LDB2: variants seen among roughly 807,000 people sequenced by gnomAD.
LDB2 encodes LIM domain binding 2.
LDB2 carries 12 observed loss-of-function variants against 44.3 expected under a neutral mutation model. The ratio of observed to expected loss-of-function variants is 0.27; its 90% CI spans 0.17 to 0.44. The LOEUF (loss-of-function observed/expected upper bound fraction) is 0.44. LDB2 is among the 20% of genes least tolerant of loss of function. LDB2 has a pLI of 1.00. For synonymous variants in LDB2, 164 were observed against 174.8 expected (o/e 0.94, Z 0.49); for missense variants, 344 against 473.5 (o/e 0.73, Z 2.54).
At chr4:16,857,868 A>C (rs1789669782) in intron 1 of LDB2, among the ~76,000 whole-genome samples, 1 of 151,994 alleles carries the variant, frequency 6.6e-6, no homozygotes, top group Non-Finnish European at 1.5e-5. Context: ...CACATACCAG[A>C]ACGCAGTACA....
At chr4:16,535,992 G>GTGTT (rs1416892741) in intron 5 of LDB2, among the ~76,000 whole-genome samples, 4 of 152,138 alleles carry the variant, frequency 2.6e-5, no homozygotes, top group African/African-American at 9.7e-5. Flanking sequence ...AAGCCTCAAG[G>GTGTT]TGTTATTTGC....
At chr4:16,564,788 G>A (rs1743893786) in intron 5 of LDB2, among the ~76,000 whole-genome samples, 1 of 152,094 alleles carries the variant, frequency 6.6e-6, no homozygotes, top group African/African-American at 2.4e-5. Flanking sequence ...GGGGAATTAG[G>A]GCCATGTAAG....
chr4:16,728,327 G>GCC (rs2152692958), intron 2 of LDB2, among the ~76,000 whole-genome samples: 1 of 152,202 alleles, frequency 6.6e-6, no homozygotes, highest in South Asian at 2.1e-4. Context: ...ATGTCAGCTT[G>GCC]CCCAGAAACT....
At chr4:16,645,356 G>A (rs374714963) in intron 2 of LDB2, among the ~76,000 whole-genome samples, 3 of 151,450 alleles carry the variant, frequency 2.0e-5, no homozygotes, top group South Asian at 4.2e-4. Context: ...CTAACAAGGT[G>A]AAACCCCGTC....
At chr4:16,694,771 G>A (rs917569816) in intron 2 of LDB2, among the ~76,000 whole-genome samples, 2 of 152,220 alleles carry the variant, frequency 1.3e-5, no homozygotes, top group African/African-American at 4.8e-5. Flanking sequence ...TCGGCTACAT[G>A]TGTAGCAAGC....
chr4:16,843,233 A>C (rs940830978), intron 1 of LDB2, among the ~76,000 whole-genome samples: 8 of 152,328 alleles, frequency 5.3e-5, no homozygotes, highest in Middle Eastern at 3.4e-3. Flanking sequence ...GATTATTTTC[A>C]ATTTTAGTGT....
chr4:16,508,666 T>G lies in LDB2; in HGVS notation c.760A>C (p.Thr254Pro), dbSNP rs1315964802. Residue 254 changes from threonine to proline, a missense_variant, in exon 7 of 8, where the codon ACA (threonine) becomes CCA (proline). Around this residue, in one of 3 missense-constraint regions of LDB2, gnomAD observed 86 missense variants for 171.2 expected, o/e 0.50. Transcript: ENST00000304523. ...TTTTTCCTTTTTCTCCGTTTGGTTG[T>G]TGGTTGCCTTGTGGGTTCTGCTGCA... is the stretch of plus-strand genomic sequence containing the variant. ...APPAEPTRQP[T>P]TKRRKRKNST... 1.2e-6 allele frequency: 2 copies of G among 1,613,656 alleles called. No individual in the cohort carries two copies. Among genetic ancestry groups the G allele is most frequent in the African/African-American group, 1.3e-5 (1 of 74,912 alleles).
At position 16,694,559 on chromosome 4, in the gene LDB2, GGCT is replaced by G. The variant is rs548736481; in HGVS notation, c.235+64596_235+64598del. ...CTGTCTGGGGAATGTCTACCGAGGTGGCTCATGCCCACCTCCTGCAAGGCCTTC... is the reference window on the plus strand; with the variant it reads ...CTGTCTGGGGAATGTCTACCGAGGTGCATGCCCACCTCCTGCAAGGCCTTC... On this transcript the variant is annotated intron_variant, in intron 2 of 7. Coordinates refer to ENST00000304523, the MANE Select transcript of LDB2 (RefSeq NM_001290.5). 2.0e-5 allele frequency among the ~76,000 whole-genome samples: 3 copies of G among 152,348 alleles called. No individual in the cohort carries two copies. The South Asian group carries it at 6.2e-4, about 32-fold the overall frequency.
chr4:16,732,003 C>T (rs1760865678), intron 2 of LDB2, among the ~76,000 whole-genome samples: 2 of 152,320 alleles, frequency 1.3e-5, no homozygotes, highest in South Asian at 2.1e-4. Context: ...AATTCAGAGG[C>T]CTTGCCTTGA....
chr4:16,640,337 A>G (rs963810305), intron 2 of LDB2, among the ~76,000 whole-genome samples: 5 of 152,238 alleles, frequency 3.3e-5, no homozygotes, highest in Non-Finnish European at 7.3e-5. Flanking sequence ...CAGTGCAATA[A>G]TGGAAATTCC....
At chr4:16,706,147 C>G (rs577622191) in intron 2 of LDB2, among the ~76,000 whole-genome samples, 1 of 152,078 alleles carries the variant, frequency 6.6e-6, no homozygotes, top group Non-Finnish European at 1.5e-5. Flanking sequence ...GATGGCATTT[C>G]GTGCTAAGCC....
At chr4:16,816,495 G>A (rs1269743947) in intron 1 of LDB2, among the ~76,000 whole-genome samples, 1 of 139,994 alleles carries the variant, frequency 7.1e-6, no homozygotes, top group Non-Finnish European at 1.5e-5. Context: ...TGCAACCTCC[G>A]CCTCCAGGGT....
chr4:16,770,058 TAG>T (rs1483669726), intron 1 of LDB2, among the ~76,000 whole-genome samples: 5 of 152,330 alleles, frequency 3.3e-5, no homozygotes, highest in Admixed American at 1.3e-4. Context: ...ACAGAAATGT[TAG>T]TTAGAATAAC....
chr4:16,787,474 C>T (rs765924133), intron 1 of LDB2, among the ~76,000 whole-genome samples: 1 of 151,984 alleles, frequency 6.6e-6, no homozygotes, highest in Non-Finnish European at 1.5e-5. Context: ...ATTCGCCAGG[C>T]GTGGTGGCAT....
chr4:16,529,184 G>A (rs964346353), intron 5 of LDB2, among the ~76,000 whole-genome samples: 5 of 152,152 alleles, frequency 3.3e-5, no homozygotes, highest in Non-Finnish European at 2.9e-5. Flanking sequence ...CAAGGATGCA[G>A]CTTTTTGGGA....
At chr4:16,558,479 A>G (rs961026527) in intron 5 of LDB2, among the ~76,000 whole-genome samples, 2 of 152,244 alleles carry the variant, frequency 1.3e-5, no homozygotes, top group Non-Finnish European at 2.9e-5. Flanking sequence ...GACGAAATGA[A>G]TGAAATGAAG....
At chr4:16,745,322 G>A (rs1764179948) in intron 2 of LDB2, among the ~76,000 whole-genome samples, 1 of 152,218 alleles carries the variant, frequency 6.6e-6, no homozygotes, top group South Asian at 2.1e-4. Context: ...GAGACCCAGA[G>A]CCCAGGCGGG....
intron 1 of LDB2, among the ~76,000 whole-genome samples, chr4:16,793,742 C>T (rs1394521058): frequency 6.6e-6 from 1 of 152,124 alleles, no homozygotes; most frequent in South Asian, 2.1e-4. Flanking sequence ...AAATATAAAA[C>T]CCAAAATGTA....
chr4:16,647,758 C>T (rs138457563), intron 2 of LDB2, among the ~76,000 whole-genome samples: 625 of 152,286 alleles, frequency 4.1e-3, no homozygotes, highest in African/African-American at 0.014. Context: ...ATGTCACTCC[C>T]TCTTTCCGAC....
Sources: gnomAD v4.1 joint callset for allele counts (sites outside exome capture counted in the v4.1 genomes callset) on GRCh38, gnomAD v4.1.1 for gene constraint, gnomAD v4.1.1 regional missense constraint, MANE v1.5 for transcripts, NCBI Gene and HGNC (gene_info 2026-07-23, HGNC 2026-07-21) for gene names.